PTPRN2: variants seen among roughly 807,000 people sequenced by gnomAD.
PTPRN2 encodes protein tyrosine phosphatase receptor type N2.
PTPRN2 carries 74 observed loss-of-function variants against 118.8 expected under a neutral mutation model. The observed-to-expected ratio is 0.62, with a 90% CI of 0.52 to 0.76. The LOEUF is 0.76. Ranked by LOEUF, PTPRN2 falls within the 30% of genes least tolerant of loss-of-function variation. The pLI is 0.00. For missense variants in PTPRN2, 1,481 were observed against 1,394.4 expected (o/e 1.06, Z -0.99); for synonymous variants, 641 against 608.0 (o/e 1.05, Z -0.80).
intron 2 of PTPRN2, among the ~76,000 whole-genome samples, chr7:158,357,889 G>C (rs1057507944): frequency 6.6e-6 from 1 of 152,202 alleles, no homozygotes; most frequent in Non-Finnish European, 1.5e-5. Flanking sequence ...CCACCAACTA[G>C]AGGGCCCCGG....
chr7:157,820,212 C>A (rs988172846), intron 12 of PTPRN2, among the ~76,000 whole-genome samples: 3 of 150,396 alleles, frequency 2.0e-5, no homozygotes, highest in African/African-American at 7.4e-5. Context: ...ACAGCAGACC[C>A]ACACAGTCAC....
chr7:157,582,499 G>A (rs1800447366), intron 17 of PTPRN2, among the ~76,000 whole-genome samples: 1 of 152,164 alleles, frequency 6.6e-6, no homozygotes, highest in African/African-American at 2.4e-5. Context: ...AGAGGGGGAT[G>A]GCAAGTGTTG....
intron 12 of PTPRN2, among the ~76,000 whole-genome samples, chr7:157,738,119 A>T (rs543856591): frequency 5.9e-5 from 9 of 152,350 alleles, no homozygotes; most frequent in African/African-American, 2.2e-4. Context: ...TCTCGGTATT[A>T]TACTTCTTTT....
At chr7:158,373,531 C>T (rs1810266370) in intron 2 of PTPRN2, among the ~76,000 whole-genome samples, 1 of 152,186 alleles carries the variant, frequency 6.6e-6, no homozygotes, top group African/African-American at 2.4e-5. Context: ...CTAAGGGTTC[C>T]TTTGCTTAAT....
chr7:158,063,291 C>T (rs1383351419), intron 11 of PTPRN2, among the ~76,000 whole-genome samples: 1 of 152,202 alleles, frequency 6.6e-6, no homozygotes, highest in African/African-American at 2.4e-5. Context: ...TGTAAACACA[C>T]CAATCAGCAC....
chr7:158,395,067 C>T (rs1259453213), intron 2 of PTPRN2, among the ~76,000 whole-genome samples: 1 of 152,132 alleles, frequency 6.6e-6, no homozygotes, highest in Non-Finnish European at 1.5e-5. Context: ...TTGCCAAGCA[C>T]GAGGGACAGT....
At chr7:158,552,662 G>C (rs1276609590) in intron 1 of PTPRN2, among the ~76,000 whole-genome samples, 2 of 152,140 alleles carry the variant, frequency 1.3e-5, no homozygotes, top group Non-Finnish European at 2.9e-5. Flanking sequence ...GGCCAGGCTG[G>C]TCTCAAACTC....
intron 4 of PTPRN2, among the ~76,000 whole-genome samples, chr7:158,193,433 A>C (rs10949702): frequency 0.22 from 33,583 of 152,086 alleles, 4,304 homozygotes; most frequent in African/African-American, 0.34. Context: ...AGGGAGATTC[A>C]CTGGAAAAGT....
At chr7:158,155,784 C>CCATCATCCACACCAT (rs1821763058) in intron 6 of PTPRN2, among the ~76,000 whole-genome samples, 1 of 148,434 alleles carries the variant, frequency 6.7e-6, no homozygotes, top group Non-Finnish European at 1.5e-5. Context: ...ACTATCATTA[C>CCATCATCCACACCAT]CATCATCAAC....
In PTPRN2 at chr7:157,656,387, G is replaced by A; in HGVS notation, c.2166C>T (p.Asn722=). ...SSWSEEPVQS[N]MDISTGHMIL... ...TCATGTGGCCGGTGGAGATGTCCAT[G>A]TTGGACTGCACAGGCTCCTCGGACC... The change falls in exon 14 of 23, where the codon AAC becomes AAT. Residue 722 remains asparagine, a synonymous_variant. Coordinates refer to ENST00000389418, the MANE Select transcript of PTPRN2 (RefSeq NM_002847.5). 2 of 1,552,468 alleles carry A rather than the reference G, an allele frequency of 1.3e-6. No homozygotes were observed. The highest frequency in any genetic ancestry group is 1.7e-6 in the Non-Finnish European group (2 of 1,147,582).
At chr7:157,708,419 C>T (rs1022155678) in intron 12 of PTPRN2, among the ~76,000 whole-genome samples, 1 of 152,226 alleles carries the variant, frequency 6.6e-6, no homozygotes, top group African/African-American at 2.4e-5. Context: ...CACAGAGACT[C>T]GTTCCTTCCA....
At chr7:158,179,203 A>C (rs1824484560) in intron 5 of PTPRN2, among the ~76,000 whole-genome samples, 1 of 152,192 alleles carries the variant, frequency 6.6e-6, no homozygotes, top group African/African-American at 2.4e-5. Flanking sequence ...TCATTCTTGC[A>C]GGAGTATGGT....
At chr7:157,666,822 G>A (rs968012921) in intron 13 of PTPRN2, among the ~76,000 whole-genome samples, 9 of 152,244 alleles carry the variant, frequency 5.9e-5, no homozygotes, top group Admixed American at 4.6e-4. Context: ...TCTCAGGTGG[G>A]TGCAACAAGT....
intron 12 of PTPRN2, among the ~76,000 whole-genome samples, chr7:157,827,562 T>A (rs1484268582): frequency 1.3e-5 from 2 of 152,232 alleles, no homozygotes; most frequent in Admixed American, 1.3e-4. Context: ...AATTCACTTA[T>A]TTCCCCCATG....
rs770019667 is a variant in PTPRN2, at chr7:157,861,316, TGCACCGGAA to T, written c.1788+37348_1788+37356del. 9.2e-5 allele frequency among the ~76,000 whole-genome samples: 14 copies of T among 152,208 alleles called. No homozygotes were observed. Among genetic ancestry groups the T allele is most frequent in the Non-Finnish European group, 2.1e-4 (14 of 68,024 alleles). ...CCGTGGGAGGATGAGAGGCCTGGATTGCACCGGAAGCACCTCCGGCTGGAGCTCGGCCAA... is the reference window on the plus strand; with the variant it reads ...CCGTGGGAGGATGAGAGGCCTGGATTGCACCTCCGGCTGGAGCTCGGCCAA... On this transcript the variant is annotated intron_variant, in intron 12 of 22. Coordinates refer to ENST00000389418, the MANE Select transcript of PTPRN2 (RefSeq NM_002847.5). The surrounding 1 kb of genome is among the most constrained non-coding windows in gnomAD (Gnocchi z 5.8).
chr7:157,999,500 T>A (rs4716875), intron 11 of PTPRN2, among the ~76,000 whole-genome samples: 61,008 of 152,068 alleles, frequency 0.4, 14,459 homozygotes, highest in East Asian at 0.82. Context: ...TACCCTGCGT[T>A]TTCCACCAAC....
intron 12 of PTPRN2, among the ~76,000 whole-genome samples, chr7:157,880,228 C>T (rs1321838063): frequency 6.6e-6 from 1 of 152,206 alleles, no homozygotes; most frequent in Non-Finnish European, 1.5e-5. Context: ...AAATTAGCAG[C>T]TTCACAATCA....
Position 157,845,668 on chromosome 7 carries a change from C to T in PTPRN2, c.1788+53005G>A, listed in dbSNP as rs534871226. Among the ~76,000 whole-genome samples the T allele has an allele frequency of 2.6e-5, 4 of 152,310 alleles. No homozygotes were observed. Among genetic ancestry groups the T allele is most frequent in the East Asian group, 3.9e-4 (2 of 5,180 alleles). ...CCCACTGTGCGGCACAGAACCTCCCCGCGGGGCAGGTGGGTGCACAGGAAA... is the reference window on the plus strand; with the variant it reads ...CCCACTGTGCGGCACAGAACCTCCCTGCGGGGCAGGTGGGTGCACAGGAAA... On this transcript the variant is annotated intron_variant, in intron 12 of 22. Transcript: ENST00000389418. This position sits in a 1 kb window ranked among gnomAD's most constrained non-coding sequence, Gnocchi z 4.5.
Position 157,720,557 on chromosome 7 carries a change from G to A in PTPRN2, c.1789-37620C>T, listed in dbSNP as rs116927488. Reference sequence around the variant, plus strand: ...AGGAGGCCTGAGCCAAGGACACTGCGGCCCCGGCTGCACCGATGCATGGGT... The same window carrying A: ...AGGAGGCCTGAGCCAAGGACACTGCAGCCCCGGCTGCACCGATGCATGGGT... On this transcript the variant is annotated intron_variant, in intron 12 of 22. Transcript: ENST00000389418. Among the ~76,000 whole-genome samples the A allele has an allele frequency of 4.3e-4, 66 of 152,344 alleles. No homozygotes were observed. In the East Asian group the frequency reaches 0.01, roughly 24 times the overall value.
Sources: gnomAD v4.1 joint callset for allele counts (sites outside exome capture counted in the v4.1 genomes callset) on GRCh38, gnomAD v4.1.1 for gene constraint, Gnocchi (gnomAD v3.1) non-coding constraint, MANE v1.5 for transcripts, NCBI Gene and HGNC (gene_info 2026-07-23, HGNC 2026-07-21) for gene names.